C2CD4A: variants seen among roughly 807,000 people sequenced by gnomAD.
C2CD4A encodes C2 calcium-dependent domain-containing protein 4A.
C2CD4A carries 2 observed loss-of-function variants against 0.4 expected under a neutral mutation model. The observed-to-expected ratio is 4.45, with a 90% CI of 1.82 to 13.99. The LOEUF (loss-of-function observed/expected upper bound fraction) is 13.99. Among genes scored for constraint, C2CD4A ranks in the 30% most tolerant of loss-of-function variants. C2CD4A has a pLI of 0.04. For missense variants in C2CD4A, 610 were observed against 574.2 expected (o/e 1.06, Z -0.64); for synonymous variants, 297 against 280.8 (o/e 1.06, Z -0.58).
rs189478723 is a variant in C2CD4A, at chr15:62,068,822, G to A, written c.*99G>A. ...TGTATTTGTTGTTCTTATCAGTCCCGTTTCAGTACAACACTGGCAGAGATG... is the reference window on the plus strand; with the variant it reads ...TGTATTTGTTGTTCTTATCAGTCCCATTTCAGTACAACACTGGCAGAGATG... On this transcript the variant is annotated 3_prime_UTR_variant, in exon 2 of 2. Transcript: ENST00000355522. The A allele has an allele frequency of 1.1e-3, 1,433 of 1,359,014 alleles. 9 individuals are homozygous for A. The African/African-American group carries it at 0.013, about 13-fold the overall frequency. 84.2% of individuals were successfully genotyped at this position (1,359,014 alleles called of 1,614,324 possible). A position where few individuals can be genotyped will look rare whatever the true frequency, so the allele number is the denominator to read the frequency against.
chr15:62,068,606 G>A lies in C2CD4A; in HGVS notation c.993G>A (p.Glu331=), dbSNP rs2049063431. 3 of 1,565,406 alleles carry A rather than the reference G, an allele frequency of 1.9e-6. No homozygotes were observed. The highest frequency in any genetic ancestry group is 2.6e-6 in the Non-Finnish European group (3 of 1,155,324). Residue 331 remains glutamate (E), a synonymous_variant, in exon 2 of 2, where the codon GAG becomes GAA. Transcript: ENST00000355522. The part of the protein sequence containing the change: ...DQDFCFDGLS[E]DEVRRLAVRV... Reference sequence around the variant, plus strand: ...ACTTCTGCTTCGACGGCCTCTCGGAGGACGAAGTGCGCCGCCTGGCCGTTC... The same window carrying A: ...ACTTCTGCTTCGACGGCCTCTCGGAAGACGAAGTGCGCCGCCTGGCCGTTC...
chr15:62,068,112 CCGCCCCAGGACGCGCT>C lies in C2CD4A; in HGVS notation c.505_520del (p.Gln169GlyfsTer16), dbSNP rs1190426140. On this transcript the variant is annotated frameshift_variant, in exon 2 of 2. Coordinates refer to ENST00000355522, the MANE Select transcript of C2CD4A (RefSeq NM_207322.3). LOFTEE classifies it low-confidence loss of function (END_TRUNC). The stretch of plus-strand genomic sequence containing the variant: ...CCCCGCGGCCCCCGGCTGTCCCCGC[CCGCCCCAGGACGCGCT>C]CGCCCGGCGGCCCCGCGGCTGCCGC... 8.6e-7 allele frequency: 1 copy of C among 1,164,120 alleles called. No homozygotes were observed. Among genetic ancestry groups the C allele is most frequent in the African/African-American group, 1.6e-5 (1 of 61,308 alleles). 72.1% of individuals were successfully genotyped at this position (1,164,120 alleles called of 1,614,324 possible). A position where few individuals can be genotyped will look rare whatever the true frequency, so the allele number is the denominator to read the frequency against.
At position 62,069,782 on chromosome 15, in the gene C2CD4A, G is replaced by T. The variant is rs1257243732; in HGVS notation, c.*1059G>T. ...TAATACCACAGTGTCTAAAGGGCTC[G>T]CTATTAAAGTTGCGAGTATTGTGCA... is the stretch of plus-strand genomic sequence containing the variant. On this transcript the variant is annotated 3_prime_UTR_variant, in exon 2 of 2. Transcript: ENST00000355522. 1.2e-5 allele frequency: 2 copies of T among 167,070 alleles called. No individual in the cohort carries two copies. Among genetic ancestry groups the T allele is most frequent in the Non-Finnish European group, 2.9e-5 (2 of 68,130 alleles). 10.3% of individuals were successfully genotyped at this position (167,070 alleles called of 1,614,324 possible). A position where few individuals can be genotyped will look rare whatever the true frequency, so the allele number is the denominator to read the frequency against.
In C2CD4A at chr15:62,068,904, AT is replaced by A. The variant is rs57282929; in HGVS notation, c.*188del. 2.7e-3 allele frequency: 2,528 copies of A among 927,418 alleles called. 48 individuals carry two copies. In the African/African-American group the frequency reaches 0.04, roughly 15 times the overall value. The allele number at this position is 927,418 out of a possible 1,614,324, so 57.4% of individuals were successfully genotyped here. The stretch of plus-strand genomic sequence containing the variant: ...GATATTTTCCATAGATACCTCCAGA[AT>A]TTTTTTCAGCAAATGGAATGGTTCT... On this transcript the variant is annotated 3_prime_UTR_variant, in exon 2 of 2. Coordinates refer to ENST00000355522, the MANE Select transcript of C2CD4A (RefSeq NM_207322.3).
At position 62,068,236 on chromosome 15, in the gene C2CD4A, C is replaced by A. The variant is rs1470015892; in HGVS notation, c.623C>A (p.Ser208Tyr). ...CGCCTGACCCGCGTCCGCTCCGTCT[C>A]CAGCGGGAACGAGGACAAGGAGCGC... ...SRRLTRVRSVSSGNEDKERRA... is the reference protein window; with the variant it reads ...SRRLTRVRSVYSGNEDKERRA... The change falls in exon 2 of 2, where the codon TCC becomes TAC. Residue 208 changes from serine (S) to tyrosine (Y), a missense_variant. By Grantham distance (144) the Ser-to-Tyr change is moderately radical. Transcript: ENST00000355522. 10 of 1,376,646 alleles carry A rather than the reference C, an allele frequency of 7.3e-6. No individual in the cohort carries two copies. The highest frequency in any genetic ancestry group is 1.5e-5 in the African/African-American group (1 of 66,292). 85.3% of individuals were successfully genotyped at this position (1,376,646 alleles called of 1,614,324 possible).
In C2CD4A at chr15:62,067,914, A is replaced by T. The variant is rs1276980204; in HGVS notation, c.301A>T (p.Thr101Ser). ...LSLPHLPRVR[T>S]AYGFCALLES... is the part of the protein sequence containing the mutation. ...ACTGCCGCACCTGCCCCGTGTGCGC[A>T]CCGCCTACGGCTTCTGCGCGCTGCT... The change falls in exon 2 of 2, where the codon ACC (threonine) becomes TCC (serine). Residue 101 changes from threonine (T) to serine (S), a missense_variant. Coordinates refer to ENST00000355522, the MANE Select transcript of C2CD4A (RefSeq NM_207322.3). 1 of 1,592,112 alleles carries T rather than the reference A, an allele frequency of 6.3e-7. No homozygotes were observed. Among genetic ancestry groups the T allele is most frequent in the Non-Finnish European group, 8.5e-7 (1 of 1,174,992 alleles).
rs1408330193 is a variant in C2CD4A at position 62,067,775 on chromosome 15, G to A, written c.162G>A (p.Arg54=). 4 of 1,612,958 alleles carry A rather than the reference G, an allele frequency of 2.5e-6. No homozygotes were observed. The highest frequency in any genetic ancestry group is 3.4e-6 in the Non-Finnish European group (4 of 1,179,944). ...DRIPEFCIPP[R]LMPRLALAAL... ...TCCCTGAGTTCTGCATCCCGCCACGGCTCATGCCCCGCCTGGCCTTGGCTG... is the reference window on the plus strand; with the variant it reads ...TCCCTGAGTTCTGCATCCCGCCACGACTCATGCCCCGCCTGGCCTTGGCTG... The change falls in exon 2 of 2, where the codon CGG becomes CGA. Residue 54 remains arginine, a synonymous_variant. Transcript: ENST00000355522.
intron 1 of C2CD4A, among the ~76,000 whole-genome samples, chr15:62,067,301 T>G (rs894319441): frequency 6.6e-6 from 1 of 152,180 alleles, no homozygotes; most frequent in African/African-American, 2.4e-5. Context: ...GAAGTTACAA[T>G]CCAGCATTTT....
chr15:62,070,345 C>T lies in C2CD4A; in HGVS notation c.*1622C>T, dbSNP rs1453471856. ...TAGAAACAAGGCGTCACTCTGTCAC[C>T]CAGGCTGGAGTGCAGTGGTGTGATC... On this transcript the variant is annotated 3_prime_UTR_variant, in exon 2 of 2. Transcript: ENST00000355522. The T allele has an allele frequency of 2.4e-6, 1 of 412,926 alleles. No individual in the cohort carries two copies. Among genetic ancestry groups the T allele is most frequent in the Non-Finnish European group, 4.4e-6 (1 of 226,114 alleles). 25.6% of individuals were successfully genotyped at this position (412,926 alleles called of 1,614,324 possible).
Position 62,067,836 on chromosome 15 carries a change from G to A in C2CD4A, c.223G>A (p.Asp75Asn), listed in dbSNP as rs762303298. 34 of 1,610,470 alleles carry A rather than the reference G, an allele frequency of 2.1e-5. No homozygotes were observed. The highest frequency in any genetic ancestry group is 1.8e-4 in the Admixed American group (11 of 59,980). ...RNSWVEEAGM[D>N]EGAGRTDWDP... ...TTCTTGGGTCGAAGAAGCAGGGATG[G>A]ACGAGGGCGCCGGCCGCACAGACTG... Residue 75 changes from aspartate (D) to asparagine (N), a missense_variant, in exon 2 of 2, where the codon GAC becomes AAC. Physicochemically the swap from Asp to Asn is conservative, Grantham distance 23. Transcript: ENST00000355522.
At position 62,067,792 on chromosome 15, in the gene C2CD4A, C is replaced by T. The variant is rs1213992368; in HGVS notation, c.179C>T (p.Ala60Val). 6.2e-7 allele frequency: 1 copy of T among 1,612,744 alleles called. No individual in the cohort carries two copies. The highest frequency in any genetic ancestry group is 2.2e-5 in the East Asian group (1 of 44,872). The change falls in exon 2 of 2, where the codon GCC (alanine) becomes GTC (valine). Residue 60 changes from alanine (A) to valine (V), a missense_variant. Transcript: ENST00000355522. ...CCGCCACGGCTCATGCCCCGCCTGG[C>T]CTTGGCTGCGCTCCGGAATTCTTGG... ...CIPPRLMPRLALAALRNSWVE... is the reference protein window; with the variant it reads ...CIPPRLMPRLVLAALRNSWVE...
In C2CD4A at chr15:62,068,776, C is replaced by A; in HGVS notation, c.*53C>A. On this transcript the variant is annotated 3_prime_UTR_variant, in exon 2 of 2. Coordinates refer to ENST00000355522, the MANE Select transcript of C2CD4A (RefSeq NM_207322.3). The stretch of plus-strand genomic sequence containing the variant: ...CCCGGGGGACTCCGGACACTGACAG[C>A]CGCGTGGTACAAAATAAACGTGTAT... 2 of 1,423,112 alleles carry A rather than the reference C, an allele frequency of 1.4e-6. No homozygotes were observed. Among genetic ancestry groups the A allele is most frequent in the Non-Finnish European group, 9.2e-7 (1 of 1,085,060 alleles). 88.2% of individuals were successfully genotyped at this position (1,423,112 alleles called of 1,614,324 possible). A position where few individuals can be genotyped will look rare whatever the true frequency, so the allele number is the denominator to read the frequency against.
chr15:62,067,904 C>G lies in C2CD4A; in HGVS notation c.291C>G (p.Pro97=), dbSNP rs2049055953. 6.3e-7 allele frequency: 1 copy of G among 1,596,980 alleles called. No homozygotes were observed. Among genetic ancestry groups the G allele is most frequent in the African/African-American group, 1.3e-5 (1 of 74,762 alleles). The change falls in exon 2 of 2, where the codon CCC becomes CCG. Residue 97 remains proline, a synonymous_variant. Coordinates refer to ENST00000355522, the MANE Select transcript of C2CD4A (RefSeq NM_207322.3). The part of the protein sequence containing the change: ...SQAALSLPHL[P]RVRTAYGFCA... ...CCGCGCTGTCACTGCCGCACCTGCC[C>G]CGTGTGCGCACCGCCTACGGCTTCT...
At position 62,069,085 on chromosome 15, in the gene C2CD4A, G is replaced by T. The variant is rs1026796432; in HGVS notation, c.*362G>T. On this transcript the variant is annotated 3_prime_UTR_variant, in exon 2 of 2. Coordinates refer to ENST00000355522, the MANE Select transcript of C2CD4A (RefSeq NM_207322.3). ...TTAAAATTGGTGCTTTCCACAACAT[G>T]CATGGAGACCATCTTGGAGCATTTA... is the stretch of plus-strand genomic sequence containing the variant. 7.3e-5 allele frequency: 18 copies of T among 248,114 alleles called. No individual in the cohort carries two copies. In the East Asian group the frequency reaches 1.4e-3, roughly 19 times the overall value. 15.4% of individuals were successfully genotyped at this position (248,114 alleles called of 1,614,324 possible).
chr15:62,068,448 A>G lies in C2CD4A; in HGVS notation c.835A>G (p.Ser279Gly), dbSNP rs2140847092. Residue 279 changes from serine to glycine, a missense_variant, in exon 2 of 2, where the codon AGC becomes GGC. Physicochemically the swap from Ser to Gly is moderately conservative, Grantham distance 56. Transcript: ENST00000355522. ...RLRLRLLRAE[S>G]PAGGAPGPRA... is the part of the protein sequence containing the mutation. ...CCGCCTCCGGCTGCTCCGCGCCGAG[A>G]GCCCGGCCGGAGGCGCCCCCGGGCC... 7.0e-7 allele frequency: 1 copy of G among 1,418,710 alleles called. No homozygotes were observed. Among genetic ancestry groups the G allele is most frequent in the Non-Finnish European group, 9.1e-7 (1 of 1,095,976 alleles). The allele number at this position is 1,418,710 out of a possible 1,614,324, so 87.9% of individuals were successfully genotyped here. A position where few individuals can be genotyped will look rare whatever the true frequency, so the allele number is the denominator to read the frequency against.
chr15:62,068,104 G>C lies in C2CD4A; in HGVS notation c.491G>C (p.Cys164Ser). 1 of 1,152,092 alleles carries C rather than the reference G, an allele frequency of 8.7e-7. No individual in the cohort carries two copies. The highest frequency in any genetic ancestry group is 1.1e-6 in the Non-Finnish European group (1 of 939,296). The allele number at this position is 1,152,092 out of a possible 1,614,324, so 71.4% of individuals were successfully genotyped here. ...CCGGCGACCCCCGCGGCCCCCGGCT[G>C]TCCCCGCCCGCCCCAGGACGCGCTC... is the stretch of plus-strand genomic sequence containing the variant. The part of the protein sequence containing the change: ...PGPATPAAPG[C>S]PRPPQDALAR... The change falls in exon 2 of 2, where the codon TGT becomes TCT. Residue 164 changes from cysteine to serine, a missense_variant. By Grantham distance (112) the Cys-to-Ser change is moderately radical (BLOSUM62 -1). Transcript: ENST00000355522.
Position 62,068,337 on chromosome 15 carries a change from C to G in C2CD4A, c.724C>G (p.Leu242Val). The G allele has an allele frequency of 7.1e-7, 1 of 1,412,246 alleles. No individual in the cohort carries two copies. The highest frequency in any genetic ancestry group is 9.2e-7 in the Non-Finnish European group (1 of 1,083,896). The allele number at this position is 1,412,246 out of a possible 1,614,324, so 87.5% of individuals were successfully genotyped here. ...GTCCCGGGTCCCGTTTCCCGAGCGC[C>G]TGGAGGCCGAGGGCACCGTGGCTCT... ...PSSRVPFPER[L>V]EAEGTVALGR... Residue 242 changes from leucine (L) to valine (V), a missense_variant, in exon 2 of 2, where the codon CTG becomes GTG. Physicochemically the swap from Leu to Val is conservative, Grantham distance 32. Coordinates refer to ENST00000355522, the MANE Select transcript of C2CD4A (RefSeq NM_207322.3).
rs758874313 is a variant in C2CD4A, at chr15:62,068,475, C to A, written c.862C>A (p.Arg288=). 5 of 1,462,354 alleles carry A rather than the reference C, an allele frequency of 3.4e-6. No individual in the cohort carries two copies. Among genetic ancestry groups the A allele is most frequent in the Non-Finnish European group, 4.5e-6 (5 of 1,113,074 alleles). The allele number at this position is 1,462,354 out of a possible 1,614,324, so 90.6% of individuals were successfully genotyped here. A position where few individuals can be genotyped will look rare whatever the true frequency, so the allele number is the denominator to read the frequency against. Reference sequence around the variant, plus strand: ...CCCGGCCGGAGGCGCCCCCGGGCCCCGAGCCGTCAGCTGTCGCCTCAGCCT... The same window carrying A: ...CCCGGCCGGAGGCGCCCCCGGGCCCAGAGCCGTCAGCTGTCGCCTCAGCCT... ...ESPAGGAPGP[R]AVSCRLSLVL... is the part of the protein sequence containing the mutation. Residue 288 remains arginine, a synonymous_variant, in exon 2 of 2, where the codon CGA becomes AGA. Coordinates refer to ENST00000355522, the MANE Select transcript of C2CD4A (RefSeq NM_207322.3).
At position 62,067,997 on chromosome 15, in the gene C2CD4A, C is replaced by T; in HGVS notation, c.384C>T (p.Pro128=). ...TCCTGCTCGGGGGCCCGCCCGCGCCCCGGCCCCGGGCCCACACCTACGGCG... is the reference window on the plus strand; with the variant it reads ...TCCTGCTCGGGGGCCCGCCCGCGCCTCGGCCCCGGGCCCACACCTACGGCG... ...ESLLLGGPPA[P]RPRAHTYGGG... Residue 128 remains proline, a synonymous_variant, in exon 2 of 2, where the codon CCC becomes CCT. Transcript: ENST00000355522. The T allele has an allele frequency of 7.3e-7, 1 of 1,379,060 alleles. No individual in the cohort carries two copies. The highest frequency in any genetic ancestry group is 1.7e-5 in the South Asian group (1 of 58,814). 85.4% of individuals were successfully genotyped at this position (1,379,060 alleles called of 1,614,324 possible).
Sources: gnomAD v4.1 joint callset for allele counts (sites outside exome capture counted in the v4.1 genomes callset) on GRCh38, gnomAD v4.1.1 for gene constraint, MANE v1.5 for transcripts, NCBI Gene and HGNC (gene_info 2026-07-23, HGNC 2026-07-21) for gene names.